Variants in PTPRF observed in about 807,000 individuals in gnomAD.
PTPRF encodes protein tyrosine phosphatase receptor type F, also known as receptor-type tyrosine-protein phosphatase F.
Under a neutral mutation model 201.8 loss-of-function variants are expected in PTPRF, and 59 were observed. The ratio of observed to expected loss-of-function variants is 0.29; its 90% confidence interval spans 0.24 to 0.36. The LOEUF is 0.36. PTPRF is among the 10% of genes least tolerant of loss of function. The pLI is 1.00. For synonymous variants in PTPRF, 1,088 were observed against 1,089.7 expected, an observed-to-expected ratio of 1.00 and a Z score of 0.03; for missense variants, 2,132 against 2,690.5, an observed-to-expected ratio of 0.79 and a Z score of 4.59.
At chr1:43,552,143 C>A (rs975751717) in intron 3 of PTPRF, among the ~76,000 whole-genome samples, 3 of 152,208 alleles carry the variant, frequency 2.0e-5, no homozygotes, top group African/African-American at 7.2e-5. Context: ...ACCTCCCTTC[C>A]CGCCTCATCC....
chr1:43,564,063 G>T (rs2153982987), intron 5 of PTPRF, among the ~76,000 whole-genome samples: 1 of 152,354 alleles, frequency 6.6e-6, no homozygotes. Flanking sequence ...AGGCTTTTAA[G>T]ATGCCAAGTT....
At chr1:43,545,723 C>T (rs1478689216) in intron 3 of PTPRF, among the ~76,000 whole-genome samples, 10 of 152,104 alleles carry the variant, frequency 6.6e-5, no homozygotes, top group Non-Finnish European at 1.5e-4. Context: ...AAGGAGCATC[C>T]CCCCACCCCA....
At chr1:43,555,327 T>TGA (rs2153974209) in intron 5 of PTPRF, among the ~76,000 whole-genome samples, 1 of 151,816 alleles carries the variant, frequency 6.6e-6, no homozygotes, top group South Asian at 2.1e-4. Context: ...TGTGTGTGTG[T>TGA]GAACAGAAAT....
At position 43,603,659 on chromosome 1, in the gene PTPRF, C is replaced by A. The variant is rs775486548; in HGVS notation, c.2507C>A (p.Ala836Glu). 1.2e-6 allele frequency: 2 copies of A among 1,613,420 alleles called. No individual in the cohort carries two copies. Among genetic ancestry groups the A allele is most frequent in the African/African-American group, 2.7e-5 (2 of 74,930 alleles). ...ATCAGCACCACGGCCATGAACACTG[C>A]GCTGCTCCAGTGGCACCCACCCAAG... ...MMISTTAMNT[A>E]LLQWHPPKEL... Residue 836 changes from alanine to glutamate, a missense_variant, in exon 16 of 34, where the codon GCG becomes GAG. Transcript: ENST00000359947. The surrounding 1 kb of genome is among the most constrained non-coding windows in gnomAD (Gnocchi z 5.8).
At position 43,621,947 on chromosome 1, in the gene PTPRF, C is replaced by T. The variant is rs1324519489; in HGVS notation, c.5668C>T (p.Leu1890=). 2.7e-5 allele frequency: 43 copies of T among 1,614,056 alleles called. No homozygotes were observed. Among genetic ancestry groups the T allele is most frequent in the Non-Finnish European group, 3.6e-5 (43 of 1,180,026 alleles). ...AMVQTEDQYQ[L]CYRAALEYLG... Reference sequence around the variant, plus strand: ...CCTATCCTGGCAGGACCAGTATCAGCTGTGCTACCGTGCGGCCCTGGAGTA... The same window carrying T: ...CCTATCCTGGCAGGACCAGTATCAGTTGTGCTACCGTGCGGCCCTGGAGTA... The change falls in exon 34 of 34, where the codon CTG becomes TTG. Residue 1890 remains leucine (L), a synonymous_variant. Coordinates refer to ENST00000359947, the MANE Select transcript of PTPRF (RefSeq NM_002840.5).
At chr1:43,612,876 C>CCCATCGCCT (rs1656809241) in intron 22 of PTPRF, 2 of 1,174,714 alleles carry the variant, frequency 1.7e-6, no homozygotes, top group Non-Finnish European at 2.3e-6. Context: ...TTTTGTTTAC[C>CCCATCGCCT]CCATCGCCTC....
chr1:43,544,862 C>T (rs1644563632), intron 2 of PTPRF, among the ~76,000 whole-genome samples, 169 bp from the exon 3 acceptor site: 1 of 151,876 alleles, frequency 6.6e-6, no homozygotes, highest in African/African-American at 2.4e-5. Context: ...TGGGTGGTCA[C>T]TGGGGTCAGA....
intron 11 of PTPRF, among the ~76,000 whole-genome samples, chr1:43,597,003 G>T (rs766663768): frequency 6.6e-6 from 1 of 152,170 alleles, no homozygotes; most frequent in Non-Finnish European, 1.5e-5. Flanking sequence ...CATTGTGTGT[G>T]TGTGACACTG....
upstream of PTPRF, among the ~76,000 whole-genome samples, chr1:43,523,692 G>T (rs1320192612): frequency 6.6e-6 from 1 of 152,184 alleles, no homozygotes; most frequent in East Asian, 1.9e-4. Context: ...AGCCAGATTT[G>T]ACCAAATGTT....
chr1:43,575,943 G>A (rs772276537), intron 6 of PTPRF: 7 of 1,364,338 alleles, frequency 5.1e-6, no homozygotes, highest in African/African-American at 1.5e-5. Context: ...AATGCTGTCC[G>A]TGCCTCTCGC....
At position 43,553,966 on chromosome 1, in the gene PTPRF, G is replaced by T; in HGVS notation, c.379+25G>T. 6.2e-7 allele frequency: 1 copy of T among 1,611,668 alleles called. No individual in the cohort carries two copies. Among genetic ancestry groups the T allele is most frequent in the South Asian group, 1.1e-5 (1 of 90,940 alleles). ...GGTACGTGCTAGGGAGACGTGGCAC[G>T]GTGGGCTGCCGGGCTGAGGCGTGGG... is the stretch of plus-strand genomic sequence containing the variant. On this transcript the variant is annotated intron_variant, in intron 5 of 33. Coordinates refer to ENST00000359947, the MANE Select transcript of PTPRF (RefSeq NM_002840.5). The surrounding 1 kb of genome is among the most constrained non-coding windows in gnomAD (Gnocchi z 4.1).
intron 3 of PTPRF, 84 bp downstream of exon 3, chr1:43,545,250 G>C (rs368002739): frequency 2.1e-6 from 3 of 1,401,980 alleles, no homozygotes; most frequent in Middle Eastern, 1.8e-4. Context: ...GGGACAGACC[G>C]GCTACTAGGA....
rs1466541184 is a variant in PTPRF at position 43,588,144 on chromosome 1, G to A, written c.680-587G>A. On this transcript the variant is annotated intron_variant, in intron 7 of 33. Coordinates refer to ENST00000359947, the MANE Select transcript of PTPRF (RefSeq NM_002840.5). The surrounding 1 kb of genome is among the most constrained non-coding windows in gnomAD (Gnocchi z 5.3). ...TGCTTGGGTTCCCAGGTTGTGCCCT[G>A]AGCATGGCTGAGACCCTGGCAGGCG... is the stretch of plus-strand genomic sequence containing the variant. Among the ~76,000 whole-genome samples, 1 of 152,200 alleles carries A rather than the reference G, an allele frequency of 6.6e-6. No individual in the cohort carries two copies. Among genetic ancestry groups the A allele is most frequent in the Admixed American group, 6.5e-5 (1 of 15,292 alleles).
chr1:43,541,990 A>T (rs1644389711), intron 2 of PTPRF, among the ~76,000 whole-genome samples: 1 of 152,104 alleles, frequency 6.6e-6, no homozygotes, highest in Admixed American at 6.5e-5. Context: ...TGCTGTGAAC[A>T]CCGTTGCATG....
At chr1:43,599,275 CA>C (rs1430578962) in intron 13 of PTPRF, among the ~76,000 whole-genome samples, 1 of 152,126 alleles carries the variant, frequency 6.6e-6, no homozygotes, top group Non-Finnish European at 1.5e-5. Flanking sequence ...AGGGTTTCAC[CA>C]TATTGGCCAG....
rs547810752 is a variant in PTPRF at position 43,586,859 on chromosome 1, G to A, written c.680-1872G>A. On this transcript the variant is annotated intron_variant, in intron 7 of 33. Coordinates refer to ENST00000359947, the MANE Select transcript of PTPRF (RefSeq NM_002840.5). ...AGGTCGCTTTTCTAATAGTTTCTGC[G>A]GAAGTCCAAAGGCTGTTTCTCCATA... Among the ~76,000 whole-genome samples the A allele has an allele frequency of 3.0e-4, 45 of 152,300 alleles. 1 individual carries two copies. The highest frequency in any genetic ancestry group is 8.4e-4 in the African/African-American group (35 of 41,564).
chr1:43,590,139 C>T (rs929936996), intron 8 of PTPRF, among the ~76,000 whole-genome samples: 1 of 152,190 alleles, frequency 6.6e-6, no homozygotes, highest in Non-Finnish European at 1.5e-5. Flanking sequence ...GTTTGCCGTG[C>T]TCCTTGCCTG....
At chr1:43,614,194 G>T (rs1222649789) in intron 23 of PTPRF, among the ~76,000 whole-genome samples, 1 of 152,224 alleles carries the variant, frequency 6.6e-6, no homozygotes, top group African/African-American at 2.4e-5. Context: ...GTGAGGAAGC[G>T]GGGGCTCAGA....
At chr1:43,549,172 A>G (rs2153968121) in intron 3 of PTPRF, among the ~76,000 whole-genome samples, 2 of 152,306 alleles carry the variant, frequency 1.3e-5, no homozygotes. Context: ...ACTGGCAGAA[A>G]GGCCCTCCTG....
Sources: allele counts gnomAD v4.1 joint callset (sites outside exome capture counted in the v4.1 genomes callset), GRCh38; gene constraint gnomAD v4.1.1; non-coding constraint Gnocchi (gnomAD v3.1); transcripts MANE v1.5; gene names NCBI Gene and HGNC (gene_info 2026-07-23, HGNC 2026-07-21).